The following COL7A1 variants were observed in gnomAD, a reference collection of about 807,000 sequenced individuals.
COL7A1 encodes the protein collagen type VII alpha 1 chain.
In COL7A1, 296 loss-of-function variants were observed where a neutral mutation model predicts 456.2. That is an observed-to-expected ratio of 0.65 (90% confidence interval 0.59 to 0.71). COL7A1 has a LOEUF of 0.71. Ranked by LOEUF, COL7A1 falls within the 30% of genes least tolerant of loss-of-function variation. The pLI is 0.00. For synonymous variants in COL7A1, 1,464 were observed against 1,525.9 expected, an observed-to-expected ratio of 0.96 and a Z score of 0.95; for missense variants, 3,441 against 4,017.2, an observed-to-expected ratio of 0.86 and a Z score of 3.88.
In COL7A1 at chr3:48,593,007, C is replaced by A; in HGVS notation, c.683-69G>T. 2 of 1,611,954 alleles carry A rather than the reference C, an allele frequency of 1.2e-6. No homozygotes were observed. The highest frequency in any genetic ancestry group is 1.7e-6 in the Non-Finnish European group (2 of 1,179,238). On this transcript the variant is annotated intron_variant, in intron 6 of 118. Transcript: ENST00000681320. This position sits in a 1 kb window ranked among gnomAD's most constrained non-coding sequence, Gnocchi z 4.4. ...GGCATGTATGATGCAGAGTTGGGGT[C>A]GGGGTCAGGAGCACATAGGATGGAA...
Position 48,588,975 on chromosome 3 carries a change from C to T in COL7A1, c.2335G>A (p.Val779Met), listed in dbSNP as rs1294554344. The change falls in exon 19 of 119, where the codon GTG becomes ATG. Residue 779 changes from valine (V) to methionine (M), a missense_variant. Val to Met is a conservative substitution (Grantham distance 21, BLOSUM62 1). Coordinates refer to ENST00000681320, the MANE Select transcript of COL7A1 (RefSeq NM_000094.4). This position sits in a 1 kb window ranked among gnomAD's most constrained non-coding sequence, Gnocchi z 4.6. ...VRTAPEPVGRVSRLQILNASS... is the reference protein window; with the variant it reads ...VRTAPEPVGRMSRLQILNASS... ...GCATTGAGGATCTGCAGCCTCGACA[C>T]ACGACCCACAGGCTCAGGGGCTGGG... 6.2e-7 allele frequency: 1 copy of T among 1,613,524 alleles called. No individual in the cohort carries two copies. The highest frequency in any genetic ancestry group is 8.5e-7 in the Non-Finnish European group (1 of 1,180,040).
In COL7A1 at chr3:48,575,097, T is replaced by C. The variant is rs764887617; in HGVS notation, c.6246A>G (p.Gly2082=). 24 of 1,612,682 alleles carry C rather than the reference T, an allele frequency of 1.5e-5. No individual in the cohort carries two copies. The highest frequency in any genetic ancestry group is 1.5e-5 in the Non-Finnish European group (18 of 1,179,480). ...QGRDGPPGLP[G]TPGPPGPPGP... ...CAGGGGGTCCGGGGGGCCCAGGGGT[T>C]CCAGGGAGTCCAGGAGGGCCATCTC... Residue 2082 remains glycine (G), a synonymous_variant, in exon 76 of 119, where the codon GGA becomes GGG. Transcript: ENST00000681320. This position sits in a 1 kb window ranked among gnomAD's most constrained non-coding sequence, Gnocchi z 6.3.
At chr3:48,582,888 G>A (rs1400210233) in intron 44 of COL7A1, 125 bp downstream of exon 44, 3 of 1,427,394 alleles carry the variant, frequency 2.1e-6, no homozygotes, top group Non-Finnish European at 3.0e-6. Context: ...GCCTGTATCA[G>A]CAGGGATAAG....
chr3:48,592,290 C>G lies in COL7A1; in HGVS notation c.1094-42G>C, dbSNP rs768886151. The G allele has an allele frequency of 1.8e-5, 29 of 1,613,658 alleles. No individual in the cohort carries two copies. The highest frequency in any genetic ancestry group is 2.5e-5 in the Non-Finnish European group (29 of 1,180,014). ...AAGGGGCCAGTGGGCCTTGCAGACT[C>G]AGGACTCTACAGCCTTGTCTGAGGC... On this transcript the variant is annotated intron_variant, in intron 9 of 118. Transcript: ENST00000681320. The surrounding 1 kb of genome is among the most constrained non-coding windows in gnomAD (Gnocchi z 7.6).
In COL7A1 at chr3:48,570,598, A is replaced by G. The variant is rs747035567; in HGVS notation, c.7344+41T>C. On this transcript the variant is annotated intron_variant, in intron 96 of 118. Coordinates refer to ENST00000681320, the MANE Select transcript of COL7A1 (RefSeq NM_000094.4). This position sits in a 1 kb window ranked among gnomAD's most constrained non-coding sequence, Gnocchi z 5.5. ...CCCCATCCTAAGTCCTCACGAGGAC[A>G]GGAAATCAAATACGTGGGGCTTTAG... 10 of 1,612,396 alleles carry G rather than the reference A, an allele frequency of 6.2e-6. No individual in the cohort carries two copies. Among genetic ancestry groups the G allele is most frequent in the Middle Eastern group, 1.6e-4 (1 of 6,082 alleles).
chr3:48,592,325 C>A lies in COL7A1; in HGVS notation c.1093+26G>T. 1 of 1,613,464 alleles carries A rather than the reference C, an allele frequency of 6.2e-7. No individual in the cohort carries two copies. Among genetic ancestry groups the A allele is most frequent in the South Asian group, 1.1e-5 (1 of 91,082 alleles). ...CAGCCTTGTCTGAGGCGCGGGGACTCCCCTCAGCCCACATCTCTCACTCAC... is the reference window on the plus strand; with the variant it reads ...CAGCCTTGTCTGAGGCGCGGGGACTACCCTCAGCCCACATCTCTCACTCAC... On this transcript the variant is annotated intron_variant, in intron 9 of 118. Transcript: ENST00000681320. The surrounding 1 kb of genome is among the most constrained non-coding windows in gnomAD (Gnocchi z 7.6).
rs1022401151 is a variant in COL7A1 at position 48,594,577 on chromosome 3, C to T, written c.86-29G>A. Reference sequence around the variant, plus strand: ...GGGCGGGCAGGAGAGATCAGGGCCTCTTCTGGGAGGCCAACCACCCGCCTA... The same window carrying T: ...GGGCGGGCAGGAGAGATCAGGGCCTTTTCTGGGAGGCCAACCACCCGCCTA... On this transcript the variant is annotated intron_variant, in intron 2 of 118. Transcript: ENST00000681320. This position sits in a 1 kb window ranked among gnomAD's most constrained non-coding sequence, Gnocchi z 5.5. The T allele has an allele frequency of 1.3e-6, 2 of 1,552,978 alleles. No homozygotes were observed. Among genetic ancestry groups the T allele is most frequent in the Non-Finnish European group, 1.7e-6 (2 of 1,152,306 alleles).
chr3:48,572,197 A>G lies in COL7A1; in HGVS notation c.6979-26T>C. On this transcript the variant is annotated intron_variant, in intron 90 of 118. Transcript: ENST00000681320. This position sits in a 1 kb window ranked among gnomAD's most constrained non-coding sequence, Gnocchi z 4.6. ...CTGTTGACAGAGGTCAGGAGGCAACACAGGCATCAGTCACAGAAAGATGAG... is the reference window on the plus strand; with the variant it reads ...CTGTTGACAGAGGTCAGGAGGCAACGCAGGCATCAGTCACAGAAAGATGAG... 1 of 1,614,064 alleles carries G rather than the reference A, an allele frequency of 6.2e-7. No homozygotes were observed. The highest frequency in any genetic ancestry group is 8.5e-7 in the Non-Finnish European group (1 of 1,180,010).
rs2107745554 is a variant in COL7A1 at position 48,585,985 on chromosome 3, T to C, written c.3724-10A>G. 1.9e-6 allele frequency: 3 copies of C among 1,613,852 alleles called. No homozygotes were observed. The highest frequency in any genetic ancestry group is 2.5e-6 in the Non-Finnish European group (3 of 1,180,010). ...AGGGCTCTGGCCGGGGCTGCGGACA[T>C]AGGGTCTCTTTGAGGTTGAACATTT... On this transcript the variant is annotated splice_polypyrimidine_tract_variant and intron_variant, in intron 28 of 118. Transcript: ENST00000681320. This position sits in a 1 kb window ranked among gnomAD's most constrained non-coding sequence, Gnocchi z 4.5.
At position 48,582,467 on chromosome 3, in the gene COL7A1, C is replaced by T. The variant is rs371560136; in HGVS notation, c.4599+11G>A. The T allele has an allele frequency of 1.3e-5, 21 of 1,614,168 alleles. No individual in the cohort carries two copies. Among genetic ancestry groups the T allele is most frequent in the South Asian group, 9.9e-5 (9 of 91,084 alleles). On this transcript the variant is annotated intron_variant, in intron 46 of 118. Transcript: ENST00000681320. ...AGTACCAGACAGTGCCACCCCCAGC[C>T]GAGGACCCACCTTCTCTCCTTGGCG...
In COL7A1 at chr3:48,592,459, C is replaced by T; in HGVS notation, c.985G>A (p.Glu329Lys). The T allele has an allele frequency of 1.2e-6, 2 of 1,613,578 alleles. No individual in the cohort carries two copies. Among genetic ancestry groups the T allele is most frequent in the Non-Finnish European group, 1.7e-6 (2 of 1,180,000 alleles). Residue 329 changes from glutamate to lysine, a missense_variant, in exon 9 of 119, where the codon GAA becomes AAA. Glu to Lys is a moderately conservative substitution (Grantham distance 56, BLOSUM62 1). Transcript: ENST00000681320. This position sits in a 1 kb window ranked among gnomAD's most constrained non-coding sequence, Gnocchi z 7.6. The stretch of plus-strand genomic sequence containing the variant: ...TTCTGGATGGTCAGTTCCGGCCCTT[C>T]TAGGGCAGCTGGGGGAGAGTCCCAC... ...VSGTARTTAL[E>K]GPELTIQNTT... is the part of the protein sequence containing the mutation.
chr3:48,586,165 T>C lies in COL7A1; in HGVS notation c.3632A>G (p.Gln1211Arg). 1 of 1,613,356 alleles carries C rather than the reference T, an allele frequency of 6.2e-7. No homozygotes were observed. Among genetic ancestry groups the C allele is most frequent in the Admixed American group, 1.7e-5 (1 of 60,032 alleles). The part of the protein sequence containing the change: ...RRLAPGMDSV[Q>R]TFFAVDDGPS... ...CCCATCATCCACGGCGAAGAAGGTC[T>C]GGACAGAGTCCATACCCGGCGCCAA... is the stretch of plus-strand genomic sequence containing the variant. Residue 1211 changes from glutamine (Q) to arginine (R), a missense_variant, in exon 28 of 119, where the codon CAG becomes CGG. This residue lies in a region of COL7A1 where 2,084 missense variants were observed against 2,501.3 expected (regional missense o/e 0.83). Coordinates refer to ENST00000681320, the MANE Select transcript of COL7A1 (RefSeq NM_000094.4). The surrounding 1 kb of genome is among the most constrained non-coding windows in gnomAD (Gnocchi z 5.1).
intron 36 of COL7A1, 52 bp from the exon 37 acceptor site, chr3:48,584,427 C>T (rs756261610): frequency 1.9e-6 from 3 of 1,613,354 alleles, no homozygotes; most frequent in South Asian, 1.1e-5. Context: ...TCACTCTCGC[C>T]CCCCTCGTGT....
In COL7A1 at chr3:48,567,505, T is replaced by A. The variant is rs1440890050; in HGVS notation, c.8046+69A>T. 6.2e-7 allele frequency: 1 copy of A among 1,602,754 alleles called. No individual in the cohort carries two copies. Among genetic ancestry groups the A allele is most frequent in the Admixed American group, 1.7e-5 (1 of 59,962 alleles). ...AGCCTTCCTTGTCCCTACACCCCCA[T>A]GACCCGACCATGAGCTTCCCTGCCC... On this transcript the variant is annotated intron_variant, in intron 109 of 118. Coordinates refer to ENST00000681320, the MANE Select transcript of COL7A1 (RefSeq NM_000094.4). This position sits in a 1 kb window ranked among gnomAD's most constrained non-coding sequence, Gnocchi z 4.3.
At chr3:48,582,842 A>C (rs2044870654) in intron 44 of COL7A1, among the ~76,000 whole-genome samples, 171 bp downstream of exon 44, 2 of 152,118 alleles carry the variant, frequency 1.3e-5, no homozygotes, top group South Asian at 4.1e-4. Context: ...GCAGGGTCAG[A>C]GGTTCAAAGC....
In COL7A1 at chr3:48,579,846, C is replaced by G; in HGVS notation, c.5125-32G>C. The G allele has an allele frequency of 6.2e-7, 1 of 1,614,080 alleles. No homozygotes were observed. The highest frequency in any genetic ancestry group is 1.7e-5 in the Admixed American group (1 of 60,010). The stretch of plus-strand genomic sequence containing the variant: ...GGGGAATGACCAGTGAGAAGAATGG[C>G]TCAACAAGGGGAAGAGGAGTTGGCG... On this transcript the variant is annotated intron_variant, in intron 57 of 118. Transcript: ENST00000681320. The surrounding 1 kb of genome is among the most constrained non-coding windows in gnomAD (Gnocchi z 4.4).
At position 48,579,997 on chromosome 3, in the gene COL7A1, A is replaced by C. The variant is rs758458407; in HGVS notation, c.5124+34T>G. On this transcript the variant is annotated intron_variant, in intron 57 of 118. Coordinates refer to ENST00000681320, the MANE Select transcript of COL7A1 (RefSeq NM_000094.4). This position sits in a 1 kb window ranked among gnomAD's most constrained non-coding sequence, Gnocchi z 4.4. ...TGGAGCCAAAGGGGCAAGTGAGAAC[A>C]ATGACAGAGGACCAGACCCAGCGCA... The C allele has an allele frequency of 1.2e-6, 2 of 1,613,724 alleles. No homozygotes were observed. Among genetic ancestry groups the C allele is most frequent in the Non-Finnish European group, 1.7e-6 (2 of 1,179,892 alleles).
In COL7A1 at chr3:48,569,625, C is replaced by T. The variant is rs530291076; in HGVS notation, c.7581G>A (p.Gly2527=). ...CCTTGGCACCCCGTGGGCCTGGAGG[C>T]CCCAGGATCACAGCTGAGTCTCCCT... is the stretch of plus-strand genomic sequence containing the variant. The part of the protein sequence containing the change: ...GDKGDSAVIL[G]PPGPRGAKGD... Residue 2527 remains glycine, a synonymous_variant, in exon 102 of 119, where the codon GGG becomes GGA. Transcript: ENST00000681320. The surrounding 1 kb of genome is among the most constrained non-coding windows in gnomAD (Gnocchi z 4.9). The T allele has an allele frequency of 9.9e-6, 16 of 1,613,838 alleles. No homozygotes were observed. Among genetic ancestry groups the T allele is most frequent in the Middle Eastern group, 1.7e-4 (1 of 6,058 alleles).
chr3:48,593,620 C>A lies in COL7A1; in HGVS notation c.343G>T (p.Gly115Cys). ...RAIRELSYKG[G>C]NTRTGAAILH... ...ATTGCAGCCCCTGTGCGAGTGTTGC[C>A]CCCCTTGTAGCTAAGCTCACGGATG... Residue 115 changes from glycine (G) to cysteine (C), a missense_variant, in exon 4 of 119, where the codon GGC (glycine) becomes TGC (cysteine). Gly to Cys is a radical substitution (Grantham distance 159, BLOSUM62 -3). This residue lies in a region of COL7A1 where 913 missense variants were observed against 1,088.2 expected (regional missense o/e 0.84). Coordinates refer to ENST00000681320, the MANE Select transcript of COL7A1 (RefSeq NM_000094.4). The surrounding 1 kb of genome is among the most constrained non-coding windows in gnomAD (Gnocchi z 4.4). 1 of 1,614,182 alleles carries A rather than the reference C, an allele frequency of 6.2e-7. No individual in the cohort carries two copies. The highest frequency in any genetic ancestry group is 8.5e-7 in the Non-Finnish European group (1 of 1,180,034).
Sources: gnomAD v4.1 joint callset for allele counts (sites outside exome capture counted in the v4.1 genomes callset) on GRCh38, gnomAD v4.1.1 for gene constraint, gnomAD v4.1.1 regional missense constraint, Gnocchi (gnomAD v3.1) non-coding constraint, MANE v1.5 for transcripts, NCBI Gene and HGNC (gene_info 2026-07-23, HGNC 2026-07-21) for gene names.